Variants in ITPR2 observed in about 807,000 individuals in gnomAD.
The protein encoded by ITPR2 is inositol 1,4,5-trisphosphate-gated calcium channel ITPR2.
A neutral mutation model predicts 317.1 loss-of-function variants in ITPR2; 207 were observed. The ratio of observed to expected loss-of-function variants is 0.65; its 90% confidence interval spans 0.58 to 0.73. The LOEUF (loss-of-function observed/expected upper bound fraction) is 0.73, where lower values mean the gene tolerates loss of function less well. Among genes scored for constraint, ITPR2 ranks in the 30% least tolerant of loss-of-function variants. The pLI is 0.00. For missense variants in ITPR2, 2,613 were observed against 3,284.0 expected (o/e 0.80, Z 4.99); for synonymous variants, 1,156 against 1,149.1 (o/e 1.01, Z -0.12).
At chr12:26,614,098 T>C (rs963008111) in intron 26 of ITPR2, among the ~76,000 whole-genome samples, 7 of 152,128 alleles carry the variant, frequency 4.6e-5, no homozygotes, top group African/African-American at 1.4e-4. Flanking sequence ...AACCCTCCTA[T>C]TACAAAACAA....
At chr12:26,387,664 C>A in intron 54 of ITPR2, 70 bp from the exon 55 acceptor site, 2 of 1,400,516 alleles carry the variant, frequency 1.4e-6, no homozygotes, top group Non-Finnish European at 2.0e-6. Flanking sequence ...AGCATAAAAA[C>A]AAAACACAAT....
chr12:26,486,429 AACCAGGT>A (rs1296518426), intron 40 of ITPR2, 69 bp from the exon 41 acceptor site: 1 of 1,178,354 alleles, frequency 8.5e-7, no homozygotes, highest in Non-Finnish European at 1.2e-6. Context: ...AAAAAAAACA[AACCAGGT>A]ACCCAAATTC....
At chr12:26,364,680 C>T (rs1318061854) in intron 55 of ITPR2, among the ~76,000 whole-genome samples, 2 of 152,112 alleles carry the variant, frequency 1.3e-5, no homozygotes, top group Admixed American at 6.6e-5. Context: ...TATAATCTGG[C>T]GTCTCAGGGA....
chr12:26,764,220 T>G (rs1268746428), intron 2 of ITPR2, among the ~76,000 whole-genome samples: 1 of 152,052 alleles, frequency 6.6e-6, no homozygotes, highest in South Asian at 2.1e-4. Flanking sequence ...ATCATAGACC[T>G]AAATGTGAAG....
Position 26,495,970 on chromosome 12 carries a change from C to T in ITPR2, c.5074-710G>A, listed in dbSNP as rs1266893178. ...GTATTCCTTTACAAATTACATAATCCAAAACTTCCTAAGTCTTCAATTTTG... is the reference window on the plus strand; with the variant it reads ...GTATTCCTTTACAAATTACATAATCTAAAACTTCCTAAGTCTTCAATTTTG... On this transcript the variant is annotated intron_variant, in intron 37 of 56. Transcript: ENST00000381340. Among the ~76,000 whole-genome samples, 6 of 152,050 alleles carry T rather than the reference C, an allele frequency of 3.9e-5. No homozygotes were observed. In the East Asian group the frequency reaches 9.6e-4, roughly 24 times the overall value.
intron 45 of ITPR2, among the ~76,000 whole-genome samples, chr12:26,473,699 T>C (rs1942347518): frequency 6.6e-6 from 1 of 152,246 alleles, no homozygotes; most frequent in Admixed American, 6.5e-5. Flanking sequence ...GTAGCCAATA[T>C]GATTTTAATT....
rs1937966554 is a variant in ITPR2 at position 26,337,742 on chromosome 12, T to C, written c.*1655A>G. ...CTCCTGGTCAGAAAAAATACTGTCA[T>C]GTCAGAGTGAGGAATTCTTAGTATG... On this transcript the variant is annotated 3_prime_UTR_variant, in exon 57 of 57. Transcript: ENST00000381340. 1 of 152,202 alleles carries C rather than the reference T, an allele frequency of 6.6e-6. No homozygotes were observed. Among genetic ancestry groups the C allele is most frequent in the Admixed American group, 6.5e-5 (1 of 15,274 alleles). 9.4% of individuals were successfully genotyped at this position (152,202 alleles called of 1,614,324 possible). A position where few individuals can be genotyped will look rare whatever the true frequency, so the allele number is the denominator to read the frequency against.
rs982035179 is a variant in ITPR2 at position 26,607,875 on chromosome 12, T to C, written c.3463-5169A>G. ...GCAGGCGGATCACAAGGTCAGGAGATCGAGACCATCCTGGCTAACACAGTG... is the reference window on the plus strand; with the variant it reads ...GCAGGCGGATCACAAGGTCAGGAGACCGAGACCATCCTGGCTAACACAGTG... On this transcript the variant is annotated intron_variant, in intron 26 of 56. Coordinates refer to ENST00000381340, the MANE Select transcript of ITPR2 (RefSeq NM_002223.4). Among the ~76,000 whole-genome samples the C allele has an allele frequency of 2.0e-5, 3 of 152,146 alleles. 1 individual carries two copies. The highest frequency in any genetic ancestry group is 4.4e-5 in the Non-Finnish European group (3 of 68,004).
chr12:26,564,120 T>A (rs1944888410), intron 34 of ITPR2, among the ~76,000 whole-genome samples: 1 of 152,050 alleles, frequency 6.6e-6, no homozygotes, highest in Non-Finnish European at 1.5e-5. Flanking sequence ...AAAAATTGGC[T>A]GAAAAATAAC....
intron 30 of ITPR2, among the ~76,000 whole-genome samples, chr12:26,598,034 G>A (rs1945894961): frequency 1.3e-5 from 2 of 151,978 alleles, no homozygotes; most frequent in Admixed American, 6.6e-5. Flanking sequence ...ATACTTCTTT[G>A]TGCACAGAAA....
chr12:26,351,895 T>G (rs1200928668), intron 55 of ITPR2, among the ~76,000 whole-genome samples: 2 of 152,236 alleles, frequency 1.3e-5, no homozygotes, highest in East Asian at 3.8e-4. Flanking sequence ...TGTTTATTTC[T>G]TCTGCAAATA....
chr12:26,701,926 A>T lies in ITPR2; in HGVS notation c.952-6276T>A, dbSNP rs538798950. Among the ~76,000 whole-genome samples, 14 of 152,356 alleles carry T rather than the reference A, an allele frequency of 9.2e-5. No homozygotes were observed. The South Asian group carries it at 2.1e-3, about 23-fold the overall frequency. On this transcript the variant is annotated intron_variant, in intron 9 of 56. Coordinates refer to ENST00000381340, the MANE Select transcript of ITPR2 (RefSeq NM_002223.4). ...ACTTGATCTATATTGCTTTGGAAAG[A>T]TCATCAAAAGTTTTTGCTTTAGTAA...
At chr12:26,380,126 A>G (rs556243975) in intron 55 of ITPR2, among the ~76,000 whole-genome samples, 1 of 152,336 alleles carries the variant, frequency 6.6e-6, no homozygotes, top group South Asian at 2.1e-4. Flanking sequence ...CCTCACTTCC[A>G]GCACCAAAGT....
intron 8 of ITPR2, 95 bp downstream of exon 8, chr12:26,715,204 T>C (rs947705979): frequency 9.0e-7 from 1 of 1,106,718 alleles, no homozygotes; most frequent in Non-Finnish European, 1.3e-6. Flanking sequence ...TATGATTCTA[T>C]CATAAATGAT....
intron 21 of ITPR2, among the ~76,000 whole-genome samples, chr12:26,634,904 A>G (rs982689758): frequency 3.3e-5 from 5 of 151,536 alleles, no homozygotes; most frequent in African/African-American, 1.2e-4. Flanking sequence ...AAAAAAAAAA[A>G]AAAAAGGAAG....
At chr12:26,381,864 A>C (rs536776913) in intron 55 of ITPR2, among the ~76,000 whole-genome samples, 1 of 152,304 alleles carries the variant, frequency 6.6e-6, no homozygotes. Flanking sequence ...GCTCTTATAC[A>C]GACCTCTGGT....
At chr12:26,689,041 A>T (rs1948184002) in intron 10 of ITPR2, among the ~76,000 whole-genome samples, 1 of 152,232 alleles carries the variant, frequency 6.6e-6, no homozygotes. Flanking sequence ...GGATACGTTA[A>T]TTTGCTTGAC....
chr12:26,762,017 C>T (rs557949278), intron 2 of ITPR2, among the ~76,000 whole-genome samples: 1 of 151,916 alleles, frequency 6.6e-6, no homozygotes, highest in East Asian at 1.9e-4. Context: ...AGCTCAAAGG[C>T]AGGTCATTTG....
intron 37 of ITPR2, among the ~76,000 whole-genome samples, chr12:26,534,558 G>A (rs547927928): frequency 5.3e-5 from 8 of 152,018 alleles, no homozygotes; most frequent in Admixed American, 2.0e-4. Context: ...ATTTAACAAC[G>A]GAGTATTCTC....
Sources: gnomAD v4.1 joint callset for allele counts (sites outside exome capture counted in the v4.1 genomes callset) on GRCh38, gnomAD v4.1.1 for gene constraint, MANE v1.5 for transcripts, NCBI Gene and HGNC (gene_info 2026-07-23, HGNC 2026-07-21) for gene names.